The following TMEM40 variants were observed in gnomAD, a reference collection of about 807,000 sequenced individuals.
TMEM40 encodes transmembrane protein 40.
In TMEM40, 34 loss-of-function variants were observed where a neutral mutation model predicts 40.8. The observed-to-expected ratio is 0.83, with a 90% CI of 0.63 to 1.11. The LOEUF (loss-of-function observed/expected upper bound fraction) is 1.11, where lower values mean the gene tolerates loss of function less well. TMEM40 is among the 50% of genes least tolerant of loss of function. TMEM40 has a pLI of 0.00. For missense variants in TMEM40, 296 were observed against 280.2 expected, an observed-to-expected ratio of 1.06 and a Z score of -0.40; for synonymous variants, 106 against 107.0, an observed-to-expected ratio of 0.99 and a Z score of 0.06.
intron 1 of TMEM40, among the ~76,000 whole-genome samples, chr3:12,764,365 T>C (rs1422463048): frequency 6.6e-6 from 1 of 152,208 alleles, no homozygotes; most frequent in South Asian, 2.1e-4. Flanking sequence ...AATGATGTGC[T>C]CAAGGTCACG....
intron 1 of TMEM40, among the ~76,000 whole-genome samples, chr3:12,767,179 T>C (rs972832245): frequency 1.3e-5 from 2 of 152,096 alleles, no homozygotes; most frequent in Admixed American, 1.3e-4. Context: ...CACAATGATT[T>C]AGTGGTAAAA....
At chr3:12,758,608 T>C (rs1042374491) in intron 1 of TMEM40, among the ~76,000 whole-genome samples, 1 of 152,238 alleles carries the variant, frequency 6.6e-6, no homozygotes, top group Non-Finnish European at 1.5e-5. Context: ...CTCTCTGGCA[T>C]ATCCTCCCCG....
At position 12,750,601 on chromosome 3, in the gene TMEM40, C is replaced by T. The variant is rs539674987; in HGVS notation, c.-8-761G>A. On this transcript the variant is annotated intron_variant, in intron 1 of 11. Coordinates refer to ENST00000314124, the MANE Select transcript of TMEM40 (RefSeq NM_018306.4). Reference sequence around the variant, plus strand: ...TGAGAGGAGGTAGATTTACTAGTCTCTGATTCATTTATTTTTTACTTCTTT... The same window carrying T: ...TGAGAGGAGGTAGATTTACTAGTCTTTGATTCATTTATTTTTTACTTCTTT... Among the ~76,000 whole-genome samples the T allele has an allele frequency of 9.9e-5, 15 of 152,254 alleles. No homozygotes were observed. In the South Asian group the frequency reaches 2.9e-3, roughly 29 times the overall value.
At chr3:12,734,877 C>T (rs564212444) in intron 11 of TMEM40, 84 bp from the exon 12 acceptor site, 149 of 1,490,466 alleles carry the variant, frequency 1.0e-4, no homozygotes, top group African/African-American at 9.4e-4. Flanking sequence ...TGCCCAAGTA[C>T]CCCTCACAGC....
At chr3:12,754,300 C>T (rs539004649) in intron 1 of TMEM40, among the ~76,000 whole-genome samples, 2 of 151,846 alleles carry the variant, frequency 1.3e-5, no homozygotes, top group South Asian at 2.1e-4. Context: ...CGACAGAGCA[C>T]GATTCCGTCT....
intron 1 of TMEM40, among the ~76,000 whole-genome samples, chr3:12,750,676 G>C (rs2061468676): frequency 6.6e-6 from 1 of 152,100 alleles, no homozygotes; most frequent in African/African-American, 2.4e-5. Flanking sequence ...TTGAACTCCT[G>C]GGTTAAGGCA....
chr3:12,747,417 G>T (rs111458123), intron 3 of TMEM40, among the ~76,000 whole-genome samples: 1,541 of 152,204 alleles, frequency 0.01, 14 homozygotes, highest in South Asian at 0.018. Context: ...AATAATAATA[G>T]TACCTTCCTT....
At position 12,767,875 on chromosome 3, in the gene TMEM40, C is replaced by G. The variant is rs78188858; in HGVS notation, c.-9+1376G>C. Among the ~76,000 whole-genome samples the G allele has an allele frequency of 6.4e-3, 973 of 152,272 alleles. 13 individuals carry two copies. The highest frequency in any genetic ancestry group is 0.022 in the African/African-American group (922 of 41,550). On this transcript the variant is annotated intron_variant, in intron 1 of 11. Transcript: ENST00000264728. ...GAGGAATATGGTGCAGCTCCTGTCT[C>G]CACACCCCTTATAGCTTGTCCAGGA...
exon 1 of TMEM40, chr3:12,769,333 T>C: frequency 3.3e-6 from 1 of 303,546 alleles, no homozygotes; most frequent in African/African-American, 2.3e-5. Flanking sequence ...GCTGAAGGGC[T>C]CCTCAAGTGC....
At chr3:12,743,181 T>C (rs538552674) in intron 4 of TMEM40, among the ~76,000 whole-genome samples, 1 of 152,320 alleles carries the variant, frequency 6.6e-6, no homozygotes, top group South Asian at 2.1e-4. Context: ...AAGTAAAACA[T>C]GCTCGGCCAG....
intron 8 of TMEM40, chr3:12,737,430 A>T: frequency 3.7e-6 from 2 of 538,714 alleles, no homozygotes; most frequent in Admixed American, 6.8e-5. Context: ...GTGACTGTGC[A>T]TAGCAGAAAG....
chr3:12,751,824 G>C (rs549267960), intron 1 of TMEM40, among the ~76,000 whole-genome samples: 1 of 149,142 alleles, frequency 6.7e-6, no homozygotes, highest in Non-Finnish European at 1.5e-5. Flanking sequence ...AGAGCCACGT[G>C]GGGGAAAGAG....
intron 1 of TMEM40, among the ~76,000 whole-genome samples, chr3:12,766,999 GGA>G (rs1186794625): frequency 6.6e-6 from 1 of 152,084 alleles, no homozygotes; most frequent in Non-Finnish European, 1.5e-5. Context: ...GCCAGACAAG[GGA>G]GAGAGATGTC....
chr3:12,752,482 G>A (rs1293722046), intron 1 of TMEM40, among the ~76,000 whole-genome samples: 1 of 152,108 alleles, frequency 6.6e-6, no homozygotes, highest in East Asian at 1.9e-4. Context: ...TCAGAATATT[G>A]GGGCACAGAG....
At chr3:12,736,700 C>T (rs771338269) in intron 9 of TMEM40, 48 bp from the exon 10 acceptor site, 14 of 1,613,620 alleles carry the variant, frequency 8.7e-6, no homozygotes, top group Non-Finnish European at 1.0e-5. Flanking sequence ...GGTCTTGACG[C>T]CCCTGCCCCC....
chr3:12,756,675 C>T (rs1427234165), intron 1 of TMEM40, among the ~76,000 whole-genome samples: 1 of 152,102 alleles, frequency 6.6e-6, no homozygotes, highest in African/African-American at 2.4e-5. Flanking sequence ...AAGGTGGGTG[C>T]CCAGCTAGAC....
chr3:12,768,258 GT>G (rs1381493745), intron 1 of TMEM40, among the ~76,000 whole-genome samples: 1 of 152,128 alleles, frequency 6.6e-6, no homozygotes, highest in African/African-American at 2.4e-5. Flanking sequence ...CGTGGTGAGT[GT>G]TACAACTACA....
At chr3:12,767,132 C>A (rs1018283250) in intron 1 of TMEM40, among the ~76,000 whole-genome samples, 1 of 152,172 alleles carries the variant, frequency 6.6e-6, no homozygotes, top group African/African-American at 2.4e-5. Context: ...TTGTGGGACA[C>A]CTTGAAGCTG....
chr3:12,738,082 A>G, intron 7 of TMEM40, 54 bp downstream of exon 7: 3 of 1,608,068 alleles, frequency 1.9e-6, no homozygotes, highest in Non-Finnish European at 2.6e-6. Context: ...GACCCAACCC[A>G]TCGTCTGGAA....
Sources: gnomAD v4.1 joint callset for allele counts (sites outside exome capture counted in the v4.1 genomes callset) on GRCh38, gnomAD v4.1.1 for gene constraint, MANE v1.5 for transcripts, NCBI Gene and HGNC (gene_info 2026-07-23, HGNC 2026-07-21) for gene names.